The following NFIA variants were observed in gnomAD, a reference collection of about 807,000 sequenced individuals.
NFIA encodes the protein nuclear factor I A, also known as nuclear factor 1 A-type.
Under a neutral mutation model 62.8 loss-of-function variants are expected in NFIA, and 8 were observed. The ratio of observed to expected loss-of-function variants is 0.13; its 90% confidence interval spans 0.07 to 0.23. The LOEUF is 0.23. Among genes scored for constraint, NFIA ranks in the 10% least tolerant of loss-of-function variants. The pLI is 1.00. For missense variants in NFIA, 410 were observed against 642.1 expected (o/e 0.64, Z 3.91); for synonymous variants, 235 against 238.1 (o/e 0.99, Z 0.12).
chr1:61,363,740 GAC>G (rs1663430987), intron 6 of NFIA, among the ~76,000 whole-genome samples: 2 of 151,852 alleles, frequency 1.3e-5, no homozygotes, highest in Non-Finnish European at 2.9e-5. Flanking sequence ...ATATACATAG[GAC>G]ACAATATATA....
chr1:61,221,711 A>G (rs1157396070), intron 2 of NFIA, among the ~76,000 whole-genome samples: 2 of 152,144 alleles, frequency 1.3e-5, no homozygotes, highest in African/African-American at 4.8e-5. Flanking sequence ...GGAGTACTTG[A>G]TTATTCTTTT....
chr1:61,229,152 A>C (rs1654514945), intron 2 of NFIA, among the ~76,000 whole-genome samples: 1 of 151,872 alleles, frequency 6.6e-6, no homozygotes, highest in Non-Finnish European at 1.5e-5. Flanking sequence ...AAAGCAACGT[A>C]ATTTTTTCCT....
intron 6 of NFIA, among the ~76,000 whole-genome samples, chr1:61,382,075 C>A (rs1323492861): frequency 6.6e-6 from 1 of 152,144 alleles, no homozygotes; most frequent in African/African-American, 2.4e-5. Flanking sequence ...GAATTTGGTT[C>A]TTTTAACATC....
At chr1:61,114,895 C>T (rs986602890) in intron 2 of NFIA, among the ~76,000 whole-genome samples, 9 of 152,150 alleles carry the variant, frequency 5.9e-5, no homozygotes, top group Non-Finnish European at 1.2e-4. Context: ...AATATTCAGA[C>T]AGGAAGCTGG....
At chr1:61,165,649 A>C (rs924390078) in intron 2 of NFIA, among the ~76,000 whole-genome samples, 1 of 152,230 alleles carries the variant, frequency 6.6e-6, no homozygotes, top group African/African-American at 2.4e-5. Context: ...GGAAGTCATC[A>C]CATGTAGATA....
In NFIA at chr1:61,459,958, T is replaced by G. The variant is rs1313552701; in HGVS notation, c.*4638T>G. ...TTTTGTTTGCTTCTGTTTTCTTTCT[T>G]GTCTTCATTCTTTCTTTTCTTTTTT... On this transcript the variant is annotated 3_prime_UTR_variant, in exon 11 of 11. Coordinates refer to ENST00000403491, the MANE Select transcript of NFIA (RefSeq NM_001134673.4). 6.6e-6 allele frequency: 1 copy of G among 152,216 alleles called. No homozygotes were observed. Among genetic ancestry groups the G allele is most frequent in the African/African-American group, 2.4e-5 (1 of 41,428 alleles). 9.4% of individuals were successfully genotyped at this position (152,216 alleles called of 1,614,324 possible).
chr1:61,078,404 G>A (rs1275177902), upstream of NFIA, among the ~76,000 whole-genome samples: 5 of 152,190 alleles, frequency 3.3e-5, no homozygotes, highest in African/African-American at 7.2e-5. Context: ...TATGCTCAGG[G>A]AAGCTGGTAA....
chr1:61,357,185 A>G (rs1662999330), intron 5 of NFIA, among the ~76,000 whole-genome samples: 1 of 152,092 alleles, frequency 6.6e-6, no homozygotes, highest in South Asian at 2.1e-4. Flanking sequence ...TTCACTCACA[A>G]TGTGGCTTCT....
At chr1:61,433,291 T>C (rs909301074) in intron 10 of NFIA, among the ~76,000 whole-genome samples, 1 of 152,192 alleles carries the variant, frequency 6.6e-6, no homozygotes, top group Non-Finnish European at 1.5e-5. Flanking sequence ...GAAGAAGACC[T>C]TTACTAATGA....
intron 3 of NFIA, among the ~76,000 whole-genome samples, chr1:61,325,653 T>A (rs1328875431): frequency 7.9e-5 from 12 of 152,082 alleles, no homozygotes; most frequent in Non-Finnish European, 1.5e-5. Context: ...GCGTGGTGGC[T>A]CACGCCTGTA....
chr1:61,309,244 AC>A (rs1659961374), intron 3 of NFIA, among the ~76,000 whole-genome samples: 1 of 151,756 alleles, frequency 6.6e-6, no homozygotes. Flanking sequence ...ATATGAAGAG[AC>A]CCTACATGTG....
intron 3 of NFIA, among the ~76,000 whole-genome samples, chr1:61,323,288 G>A (rs573557135): frequency 3.9e-4 from 60 of 152,198 alleles, no homozygotes; most frequent in South Asian, 8.3e-4. Context: ...CATATTATTA[G>A]CTGACAAACA....
In NFIA at chr1:61,406,556, C is replaced by CGT. The variant is rs764183696; in HGVS notation, c.1255-6_1255-5insGT. On this transcript the variant is annotated splice_polypyrimidine_tract_variant and splice_region_variant and intron_variant, in intron 8 of 10. Transcript: ENST00000403491. ...CGTGTGTTTTCTGCCCCCCCCCCCC[C>CGT]CACAGCCCAATGGGAGCAGCCAAGG... The CGT allele has an allele frequency of 3.2e-6, 4 of 1,253,364 alleles. No homozygotes were observed. Among genetic ancestry groups the CGT allele is most frequent in the Non-Finnish European group, 4.3e-6 (4 of 938,182 alleles). 77.6% of individuals were successfully genotyped at this position (1,253,364 alleles called of 1,614,324 possible). A position where few individuals can be genotyped will look rare whatever the true frequency, so the allele number is the denominator to read the frequency against.
chr1:61,249,330 T>A (rs1307942055), intron 2 of NFIA, among the ~76,000 whole-genome samples: 3 of 152,250 alleles, frequency 2.0e-5, no homozygotes, highest in Non-Finnish European at 4.4e-5. Context: ...TCAAAAACTT[T>A]ACTAACCAGA....
At chr1:61,284,607 A>G (rs915646219) in intron 3 of NFIA, among the ~76,000 whole-genome samples, 2 of 152,196 alleles carry the variant, frequency 1.3e-5, no homozygotes, top group Non-Finnish European at 2.9e-5. Context: ...ATTTTAAAGT[A>G]GTCTTATCCT....
intron 7 of NFIA, among the ~76,000 whole-genome samples, chr1:61,398,620 T>A (rs1665403624): frequency 6.6e-6 from 1 of 152,238 alleles, no homozygotes; most frequent in Non-Finnish European, 1.5e-5. Flanking sequence ...TTCGTGATGT[T>A]AAAAGATATG....
chr1:61,159,392 C>T (rs78907722), intron 2 of NFIA, among the ~76,000 whole-genome samples: 7 of 152,088 alleles, frequency 4.6e-5, no homozygotes, highest in Non-Finnish European at 7.4e-5. Context: ...AATGTGCATA[C>T]GAATCAACTG....
chr1:61,310,493 T>G (rs1660041985), intron 3 of NFIA, among the ~76,000 whole-genome samples: 1 of 152,054 alleles, frequency 6.6e-6, no homozygotes, highest in South Asian at 2.1e-4. Context: ...TGCCATTTAG[T>G]GTATGGGGGG....
chr1:61,255,815 TTA>T (rs1483738089), intron 2 of NFIA, among the ~76,000 whole-genome samples: 1 of 152,192 alleles, frequency 6.6e-6, no homozygotes, highest in African/African-American at 2.4e-5. Flanking sequence ...ATCATACAAT[TTA>T]TATATCACAG....
Sources: allele counts gnomAD v4.1 joint callset (sites outside exome capture counted in the v4.1 genomes callset), GRCh38; gene constraint gnomAD v4.1.1; transcripts MANE v1.5; gene names NCBI Gene and HGNC (gene_info 2026-07-23, HGNC 2026-07-21).